CTNNA3: variants seen among roughly 807,000 people sequenced by gnomAD.
CTNNA3 encodes catenin alpha 3, also known as catenin alpha-3.
Under a neutral mutation model 95.7 loss-of-function variants are expected in CTNNA3, and 76 were observed. That is an observed-to-expected ratio of 0.79 (90% CI 0.66 to 0.96). The LOEUF (loss-of-function observed/expected upper bound fraction) is 0.96, where lower values mean the gene tolerates loss of function less well. Ranked by LOEUF, CTNNA3 falls within the 40% of genes least tolerant of loss-of-function variation. The pLI is 0.00. For synonymous variants in CTNNA3, 431 were observed against 374.4 expected, an observed-to-expected ratio of 1.15 and a Z score of -1.74; for missense variants, 1,191 against 1,089.8, an observed-to-expected ratio of 1.09 and a Z score of -1.31.
chr10:66,658,683 C>T (rs1846152775), intron 9 of CTNNA3, among the ~76,000 whole-genome samples: 1 of 152,062 alleles, frequency 6.6e-6, no homozygotes, highest in African/African-American at 2.4e-5. Context: ...GCAGCCTGGC[C>T]TTCTCTCTCT....
intron 17 of CTNNA3, among the ~76,000 whole-genome samples, chr10:65,961,594 C>T (rs879376938): frequency 6.6e-6 from 1 of 152,042 alleles, no homozygotes; most frequent in Non-Finnish European, 1.5e-5. Flanking sequence ...AAACTGTTAG[C>T]TGCCACCCAA....
intron 15 of CTNNA3, among the ~76,000 whole-genome samples, chr10:66,062,410 C>G (rs115801483): frequency 1.7e-3 from 258 of 152,180 alleles, no homozygotes; most frequent in African/African-American, 5.9e-3. Flanking sequence ...GCACTGCCAG[C>G]TGTGACCCTC....
At chr10:66,304,672 A>G (rs2091907789) in intron 12 of CTNNA3, among the ~76,000 whole-genome samples, 1 of 152,186 alleles carries the variant, frequency 6.6e-6, no homozygotes, top group Non-Finnish European at 1.5e-5. Flanking sequence ...ATACAACAAT[A>G]TAATACTCAA....
intron 9 of CTNNA3, among the ~76,000 whole-genome samples, chr10:66,751,002 G>A (rs1839110727): frequency 6.6e-6 from 1 of 152,126 alleles, no homozygotes; most frequent in African/African-American, 2.4e-5. Flanking sequence ...GGGCGTGGTG[G>A]CTCATGTCTA....
chr10:66,772,734 C>T (rs983317248), intron 8 of CTNNA3, among the ~76,000 whole-genome samples: 1 of 152,178 alleles, frequency 6.6e-6, no homozygotes, highest in African/African-American at 2.4e-5. Flanking sequence ...TATTTCTAAG[C>T]AATCTCTGTC....
chr10:66,590,741 T>A lies in CTNNA3; in HGVS notation c.1374+30951A>T, dbSNP rs1183899176. On this transcript the variant is annotated intron_variant, in intron 10 of 17. Transcript: ENST00000433211. Reference sequence around the variant, plus strand: ...ATTTCTAGAGGGAGAAAAAATACTTTTCAGTAGTTCTAAAGAGGGAGAAAA... The same window carrying A: ...ATTTCTAGAGGGAGAAAAAATACTTATCAGTAGTTCTAAAGAGGGAGAAAA... 2.0e-5 allele frequency among the ~76,000 whole-genome samples: 3 copies of A among 152,040 alleles called. No individual in the cohort carries two copies. In the East Asian group the frequency reaches 5.8e-4, roughly 29 times the overall value.
intron 11 of CTNNA3, among the ~76,000 whole-genome samples, chr10:66,387,230 G>C (rs1052428936): frequency 6.6e-6 from 1 of 151,676 alleles, no homozygotes; most frequent in South Asian, 2.1e-4. Flanking sequence ...AATCTACAAA[G>C]AACTCAAACC....
At chr10:66,988,478 G>A (rs1375324793) in intron 7 of CTNNA3, among the ~76,000 whole-genome samples, 1 of 152,140 alleles carries the variant, frequency 6.6e-6, no homozygotes, top group African/African-American at 2.4e-5. Flanking sequence ...TTCTTACTGA[G>A]TGGAAAAGCT....
At chr10:66,807,243 A>G (rs1841690529) in intron 7 of CTNNA3, among the ~76,000 whole-genome samples, 1 of 152,100 alleles carries the variant, frequency 6.6e-6, no homozygotes, top group South Asian at 2.1e-4. Flanking sequence ...TCAGCCTCAG[A>G]AATACCAAAA....
chr10:66,197,946 T>A (rs779175650), intron 13 of CTNNA3, among the ~76,000 whole-genome samples: 2 of 152,146 alleles, frequency 1.3e-5, no homozygotes, highest in Non-Finnish European at 2.9e-5. Context: ...AAAATAACTC[T>A]AAGGAGGCAA....
intron 9 of CTNNA3, among the ~76,000 whole-genome samples, chr10:66,668,842 T>C (rs1846555700): frequency 1.3e-5 from 2 of 151,986 alleles, no homozygotes; most frequent in African/African-American, 4.8e-5. Context: ...ATATCTCACA[T>C]ATATATTCTA....
chr10:67,486,321 T>C (rs1214731219), intron 5 of CTNNA3, among the ~76,000 whole-genome samples: 1 of 152,028 alleles, frequency 6.6e-6, no homozygotes, highest in Non-Finnish European at 1.5e-5. Context: ...ATCTTCACCA[T>C]CTTCTTTTAC....
At chr10:66,155,489 T>C (rs1297158884) in intron 13 of CTNNA3, among the ~76,000 whole-genome samples, 1 of 151,736 alleles carries the variant, frequency 6.6e-6, no homozygotes, top group Non-Finnish European at 1.5e-5. Context: ...ATAAAAGAAA[T>C]ACCTGTGGCT....
intron 11 of CTNNA3, among the ~76,000 whole-genome samples, chr10:66,394,957 T>G (rs978006117): frequency 5.3e-5 from 8 of 152,028 alleles, no homozygotes; most frequent in Non-Finnish European, 8.8e-5. Flanking sequence ...AATGTACAGA[T>G]AAAATTAAGA....
chr10:67,465,676 C>T (rs1044758093), intron 5 of CTNNA3, among the ~76,000 whole-genome samples: 1 of 152,078 alleles, frequency 6.6e-6, no homozygotes, highest in Non-Finnish European at 1.5e-5. Context: ...CAACTCAGCA[C>T]CCAGGGGAGA....
intron 9 of CTNNA3, among the ~76,000 whole-genome samples, chr10:66,622,350 A>G (rs1844779627): frequency 6.6e-6 from 1 of 152,186 alleles, no homozygotes; most frequent in African/African-American, 2.4e-5. Context: ...CCTGCAGTGC[A>G]TTTGATTCAA....
intron 7 of CTNNA3, among the ~76,000 whole-genome samples, chr10:67,066,324 C>G (rs1470353464): frequency 6.6e-6 from 1 of 151,364 alleles, no homozygotes; most frequent in African/African-American, 2.4e-5. Context: ...TCCCAAGTAA[C>G]TGGGACTACA....
At chr10:67,028,657 A>AC (rs1853537720) in intron 7 of CTNNA3, among the ~76,000 whole-genome samples, 1 of 151,984 alleles carries the variant, frequency 6.6e-6, no homozygotes, top group Non-Finnish European at 1.5e-5. Flanking sequence ...TTAAAAAAAA[A>AC]AAAAAAAAGT....
At chr10:67,350,480 G>C (rs764068065) in intron 5 of CTNNA3, among the ~76,000 whole-genome samples, 6 of 150,944 alleles carry the variant, frequency 4.0e-5, no homozygotes, top group Non-Finnish European at 7.4e-5. Flanking sequence ...ATGGACTAAA[G>C]CAGTAGCTTG....
Sources: gnomAD v4.1 joint callset for allele counts (sites outside exome capture counted in the v4.1 genomes callset) on GRCh38, gnomAD v4.1.1 for gene constraint, MANE v1.5 for transcripts, NCBI Gene and HGNC (gene_info 2026-07-23, HGNC 2026-07-21) for gene names.